THADA: variants seen among roughly 807,000 people sequenced by gnomAD.
THADA encodes the protein tRNA (32-2'-O)-methyltransferase regulator THADA.
THADA carries 213 observed loss-of-function variants against 219.8 expected under a neutral mutation model. The ratio of observed to expected loss-of-function variants is 0.97; its 90% CI spans 0.87 to 1.09. THADA has a LOEUF of 1.09. Ranked by LOEUF, THADA falls within the 50% of genes least tolerant of loss-of-function variation. The pLI, the probability that THADA is intolerant of heterozygous loss-of-function variation, is 0.00. For missense variants in THADA, 2,956 were observed against 2,311.3 expected, an observed-to-expected ratio of 1.28 and a Z score of -5.72; for synonymous variants, 1,018 against 828.9, an observed-to-expected ratio of 1.23 and a Z score of -3.92.
At chr2:43,333,668 T>A (rs1468910057) in intron 30 of THADA, among the ~76,000 whole-genome samples, 1 of 152,142 alleles carries the variant, frequency 6.6e-6, no homozygotes, top group Non-Finnish European at 1.5e-5. Flanking sequence ...CCTTAAAGTT[T>A]TGGCACGGAC....
intron 28 of THADA, among the ~76,000 whole-genome samples, chr2:43,417,540 C>A (rs936861690): frequency 6.6e-6 from 1 of 152,172 alleles, no homozygotes; most frequent in Non-Finnish European, 1.5e-5. Context: ...CTCCTGATTT[C>A]AGATTAGAAA....
intron 36 of THADA, among the ~76,000 whole-genome samples, chr2:43,253,673 A>T (rs72875600): frequency 0.015 from 2,237 of 151,590 alleles, 51 homozygotes; most frequent in African/African-American, 0.048. Flanking sequence ...GCCCACCTTT[A>T]ATTTCTCTCT....
In THADA at chr2:43,310,933, T is replaced by C. The variant is rs141308012; in HGVS notation, c.4438+9513A>G. ...GGCTCACGCCTGTAATCCCAGCACT[T>C]TGGGAGGCTGAGGCAGGCAGATCAC... On this transcript the variant is annotated intron_variant, in intron 31 of 37. Transcript: ENST00000405975. 3.3e-3 allele frequency among the ~76,000 whole-genome samples: 498 copies of C among 152,158 alleles called. 4 individuals are homozygous for C. Among genetic ancestry groups the C allele is most frequent in the African/African-American group, 0.012 (484 of 41,520 alleles).
chr2:43,265,996 C>A (rs890494617), intron 36 of THADA, among the ~76,000 whole-genome samples: 7 of 141,282 alleles, frequency 5.0e-5, no homozygotes, highest in African/African-American at 1.9e-4. Context: ...CACACAGACT[C>A]TTGAGGGTCT....
intron 35 of THADA, among the ~76,000 whole-genome samples, chr2:43,284,705 C>G (rs1279804940): frequency 6.6e-6 from 1 of 152,186 alleles, no homozygotes; most frequent in African/African-American, 2.4e-5. Flanking sequence ...CACCGTCCTC[C>G]AGACCCCAGA....
Position 43,586,859 on chromosome 2 carries a change from T to C in THADA, c.446A>G (p.Asn149Ser). 2 of 1,613,636 alleles carry C rather than the reference T, an allele frequency of 1.2e-6. No homozygotes were observed. Among genetic ancestry groups the C allele is most frequent in the South Asian group, 1.1e-5 (1 of 91,030 alleles). Residue 149 changes from asparagine to serine, a missense_variant, in exon 5 of 38, where the codon AAC becomes AGC. By Grantham distance (46) the Asn-to-Ser change is conservative. Transcript: ENST00000405975. ...DNISSCMENFNLGRASVNNLL... is the reference protein window; with the variant it reads ...DNISSCMENFSLGRASVNNLL... ...CTAGAAAAGTGCAGCCTTACCCAAG[T>C]TAAAGTTCTCCATACAGGAAGAAAT...
At chr2:43,270,809 T>G (rs982235926) in intron 36 of THADA, among the ~76,000 whole-genome samples, 3 of 152,160 alleles carry the variant, frequency 2.0e-5, no homozygotes, top group African/African-American at 7.2e-5. Flanking sequence ...AGTGTGCCTG[T>G]GAACAGCCAC....
intron 29 of THADA, among the ~76,000 whole-genome samples, chr2:43,385,805 G>T (rs192634257): frequency 3.8e-4 from 58 of 151,406 alleles, no homozygotes; most frequent in East Asian, 2.3e-3. Context: ...AAAGGTGATA[G>T]AATTTGCTGG....
chr2:43,350,948 C>T (rs943955111), intron 29 of THADA, among the ~76,000 whole-genome samples: 1 of 152,186 alleles, frequency 6.6e-6, no homozygotes, highest in African/African-American at 2.4e-5. Flanking sequence ...GAGAGAATCA[C>T]AGGAAACAGG....
intron 29 of THADA, among the ~76,000 whole-genome samples, chr2:43,344,781 A>G (rs1358040837): frequency 7.4e-6 from 1 of 135,570 alleles, no homozygotes; most frequent in African/African-American, 3.1e-5. Flanking sequence ...TTTTTTTTTT[A>G]GCAGATCTTC....
chr2:43,483,149 A>G (rs1297443168), intron 26 of THADA, among the ~76,000 whole-genome samples: 1 of 152,174 alleles, frequency 6.6e-6, no homozygotes, highest in Non-Finnish European at 1.5e-5. Flanking sequence ...AAAGGAAACA[A>G]CTGACTTGTG....
intron 8 of THADA, 80 bp downstream of exon 8, chr2:43,581,661 A>G: frequency 7.9e-7 from 1 of 1,262,706 alleles, no homozygotes; most frequent in Non-Finnish European, 1.1e-6. Context: ...CACATTTCAC[A>G]CTATTAGTAG....
intron 30 of THADA, among the ~76,000 whole-genome samples, chr2:43,332,639 A>G (rs1665920788): frequency 6.6e-6 from 1 of 152,186 alleles, no homozygotes; most frequent in South Asian, 2.1e-4. Flanking sequence ...AACCCACTAC[A>G]TTAGGGCTTT....
At chr2:43,391,271 C>T (rs1673352809) in intron 29 of THADA, among the ~76,000 whole-genome samples, 1 of 152,196 alleles carries the variant, frequency 6.6e-6, no homozygotes, top group Admixed American at 6.5e-5. Context: ...CACCTGAGGA[C>T]ACATCAAATG....
At chr2:43,559,611 C>T (rs941353760) in intron 16 of THADA, among the ~76,000 whole-genome samples, 1 of 152,224 alleles carries the variant, frequency 6.6e-6, no homozygotes, top group African/African-American at 2.4e-5. Flanking sequence ...AAGTCCCCTG[C>T]AGACTCATCC....
chr2:43,525,856 T>C (rs953771400), intron 22 of THADA, among the ~76,000 whole-genome samples: 15 of 152,218 alleles, frequency 9.9e-5, no homozygotes, highest in African/African-American at 3.4e-4. Flanking sequence ...TGTTTGTCTC[T>C]ATTCCCAGAG....
At chr2:43,430,437 A>T (rs1679089581) in intron 26 of THADA, 135 bp from the exon 27 acceptor site, 2 of 576,362 alleles carry the variant, frequency 3.5e-6, no homozygotes, top group Non-Finnish European at 6.1e-6. Flanking sequence ...CAGAATCTAC[A>T]GCATCTTAAG....
intron 31 of THADA, among the ~76,000 whole-genome samples, chr2:43,300,654 C>A (rs899496082): frequency 2.0e-5 from 3 of 152,124 alleles, no homozygotes; most frequent in African/African-American, 7.2e-5. Flanking sequence ...TAGGAGAGAA[C>A]AGACACAGAG....
rs372438442 is a variant in THADA at position 43,534,304 on chromosome 2, CTT to C, written c.3265-6318_3265-6317del. ...ATCAGCTTATCCATCATTTCAAACA[CTT>C]ATCATTTCTTTGTGTTAGGAACATT... is the stretch of plus-strand genomic sequence containing the variant. On this transcript the variant is annotated intron_variant, in intron 21 of 37. Transcript: ENST00000405975. Among the ~76,000 whole-genome samples the C allele has an allele frequency of 3.0e-4, 45 of 152,182 alleles. No individual in the cohort carries two copies. The East Asian group carries it at 8.5e-3, about 29-fold the overall frequency.
Sources: allele counts gnomAD v4.1 joint callset (sites outside exome capture counted in the v4.1 genomes callset), GRCh38; gene constraint gnomAD v4.1.1; transcripts MANE v1.5; gene names NCBI Gene and HGNC (gene_info 2026-07-23, HGNC 2026-07-21).